TEAD4: variants seen among roughly 807,000 people sequenced by gnomAD.
TEAD4 encodes the protein TEA domain transcription factor 4.
A neutral mutation model predicts 52.4 loss-of-function variants in TEAD4; 36 were observed. The observed-to-expected ratio is 0.69, with a 90% CI of 0.53 to 0.91. TEAD4 has a LOEUF of 0.91. TEAD4 is among the 40% of genes least tolerant of loss of function. The pLI, the probability that TEAD4 is intolerant of heterozygous loss-of-function variation, is 0.00. For missense variants in TEAD4, 508 were observed against 583.9 expected (o/e 0.87, Z 1.34); for synonymous variants, 220 against 231.0 (o/e 0.95, Z 0.43).
chr12:2,980,004 C>T lies in TEAD4; in HGVS notation c.-29-14734C>T, dbSNP rs553874003. On this transcript the variant is annotated intron_variant, in intron 2 of 12. Transcript: ENST00000359864. ...TGTTCCTCTCCTCCCTGGGAAGAAG[C>T]CCTCTCCTGTGCTCACTGAGAGGCA... Among the ~76,000 whole-genome samples, 79 of 152,236 alleles carry T rather than the reference C, an allele frequency of 5.2e-4. No individual in the cohort carries two copies. In the South Asian group the frequency reaches 0.014, roughly 27 times the overall value.
intron 2 of TEAD4, among the ~76,000 whole-genome samples, chr12:2,970,007 C>T (rs2098223810): frequency 6.6e-6 from 1 of 152,168 alleles, no homozygotes; most frequent in African/African-American, 2.4e-5. Flanking sequence ...GGGAGAGTTG[C>T]TTGAGCCCAG....
Position 2,963,451 on chromosome 12 carries a change from T to A in TEAD4, c.-30+3411T>A, listed in dbSNP as rs12229939. Among the ~76,000 whole-genome samples the A allele has an allele frequency of 7.2e-5, 11 of 152,198 alleles. No individual in the cohort carries two copies. The East Asian group carries it at 1.7e-3, about 24-fold the overall frequency. ...CCCCATGACCCTTTGTTGGCCGGGG[T>A]TGGACGACAGCTCCCTTTAAAGCTC... On this transcript the variant is annotated intron_variant, in intron 2 of 12. Coordinates refer to ENST00000359864, the MANE Select transcript of TEAD4 (RefSeq NM_003213.4).
In TEAD4 at chr12:2,968,047, A is replaced by AC. The variant is rs1206773770; in HGVS notation, c.-30+8012dup. On this transcript the variant is annotated intron_variant, in intron 2 of 12. Transcript: ENST00000359864. ...TCGCCATTTTTGTGGGTCTTCCTCT[A>AC]CCCCCAACCAGTGATCTGATCTCAA... Among the ~76,000 whole-genome samples the AC allele has an allele frequency of 9.1e-4, 123 of 135,318 alleles. 1 individual carries two copies. Among genetic ancestry groups the AC allele is most frequent in the African/African-American group, 3.0e-3 (115 of 37,760 alleles). 88.8% of individuals were successfully genotyped at this position (135,318 alleles called of 152,430 possible). A position where few individuals can be genotyped will look rare whatever the true frequency, so the allele number is the denominator to read the frequency against.
At position 2,979,605 on chromosome 12, in the gene TEAD4, G is replaced by T. The variant is rs535833551; in HGVS notation, c.-29-15133G>T. Among the ~76,000 whole-genome samples, 6 of 152,340 alleles carry T rather than the reference G, an allele frequency of 3.9e-5. No homozygotes were observed. The South Asian group carries it at 1.2e-3, about 32-fold the overall frequency. ...AGATACTGGGAGTAGTGATTTGGGGGTTAGAAATTTTAGCAAGTTGGCAAA... is the reference window on the plus strand; with the variant it reads ...AGATACTGGGAGTAGTGATTTGGGGTTTAGAAATTTTAGCAAGTTGGCAAA... On this transcript the variant is annotated intron_variant, in intron 2 of 12. Transcript: ENST00000359864.
At chr12:3,020,396 G>A (rs1193169628) in intron 8 of TEAD4, among the ~76,000 whole-genome samples, 2 of 152,014 alleles carry the variant, frequency 1.3e-5, no homozygotes, top group Admixed American at 1.3e-4. Context: ...GTTCCATGCA[G>A]AGTGCTGAGT....
At chr12:3,013,800 G>A (rs2098262298) in intron 5 of TEAD4, among the ~76,000 whole-genome samples, 1 of 152,236 alleles carries the variant, frequency 6.6e-6, no homozygotes, top group Non-Finnish European at 1.5e-5. Flanking sequence ...GTTGAGGCCA[G>A]GAGTTGGAGG....
chr12:2,977,163 T>C (rs1244698325), intron 2 of TEAD4, among the ~76,000 whole-genome samples: 1 of 152,138 alleles, frequency 6.6e-6, no homozygotes, highest in African/African-American at 2.4e-5. Flanking sequence ...TCTTCAGTGG[T>C]TGGGAGGACA....
In TEAD4 at chr12:3,017,484, C is replaced by T; in HGVS notation, c.441C>T (p.Ser147=). The T allele has an allele frequency of 6.2e-7, 1 of 1,614,182 alleles. No individual in the cohort carries two copies. Among genetic ancestry groups the T allele is most frequent in the Non-Finnish European group, 8.5e-7 (1 of 1,180,046 alleles). Residue 147 remains serine (S), a synonymous_variant, in exon 6 of 13, where the codon AGC becomes AGT. Transcript: ENST00000359864. The stretch of plus-strand genomic sequence containing the variant: ...TCTCCGCCACGGCCTTCCACAGTAG[C>T]ATGGCCCTCGCCCGGGGCCCCGGCC...
chr12:2,976,269 C>T (rs981783035), intron 2 of TEAD4, among the ~76,000 whole-genome samples: 6 of 152,024 alleles, frequency 3.9e-5, no homozygotes, highest in Admixed American at 1.3e-4. Flanking sequence ...ACCTCGGCCT[C>T]CCAAAGTGCT....
intron 2 of TEAD4, among the ~76,000 whole-genome samples, chr12:2,977,291 T>C (rs2098230546): frequency 6.6e-6 from 1 of 152,088 alleles, no homozygotes; most frequent in African/African-American, 2.4e-5. Context: ...CAGGCGTCTC[T>C]CTCTCTCTTT....
chr12:3,020,187 G>A (rs3782835), intron 8 of TEAD4, among the ~76,000 whole-genome samples: 4 of 152,328 alleles, frequency 2.6e-5, no homozygotes, highest in Admixed American at 1.3e-4. Context: ...TTCTGGGAGC[G>A]GGGGAGACAC....
In TEAD4 at chr12:3,040,498, G is replaced by C. The variant is rs199828011; in HGVS notation, c.*20G>C. 2.5e-6 allele frequency: 4 copies of C among 1,608,608 alleles called. No individual in the cohort carries two copies. Among genetic ancestry groups the C allele is most frequent in the Non-Finnish European group, 2.6e-6 (3 of 1,175,598 alleles). The stretch of plus-strand genomic sequence containing the variant: ...GAATGAGAGACTCGGGGAGCAGGGA[G>C]GGGGGAAGAGACGTGTGTGCAGGAA... On this transcript the variant is annotated 3_prime_UTR_variant, in exon 13 of 13. Coordinates refer to ENST00000359864, the MANE Select transcript of TEAD4 (RefSeq NM_003213.4).
At position 3,004,095 on chromosome 12, in the gene TEAD4, C is replaced by T. The variant is rs538147976; in HGVS notation, c.227-6909C>T. 2.0e-5 allele frequency among the ~76,000 whole-genome samples: 3 copies of T among 152,364 alleles called. No homozygotes were observed. In the Middle Eastern group the frequency reaches 0.01, roughly 518 times the overall value. On this transcript the variant is annotated intron_variant, in intron 3 of 12. Transcript: ENST00000359864. ...TGATCCAGGATACGCTGGCTCCCAC[C>T]AGCTGTGGGTACCACTGTCCATGAG...
At chr12:2,963,582 G>A (rs1376413135) in intron 2 of TEAD4, among the ~76,000 whole-genome samples, 1 of 152,206 alleles carries the variant, frequency 6.6e-6, no homozygotes, top group Non-Finnish European at 1.5e-5. Context: ...TCACTGGGGA[G>A]AACACGGTCT....
At chr12:3,024,176 G>A (rs1032106072) in intron 10 of TEAD4, among the ~76,000 whole-genome samples, 5 of 151,724 alleles carry the variant, frequency 3.3e-5, no homozygotes, top group African/African-American at 7.3e-5. Context: ...CCGGGTTCAC[G>A]CCATTCTCCT....
chr12:3,017,392 C>T lies in TEAD4; in HGVS notation c.355-6C>T, dbSNP rs1186821183. 3 of 1,613,976 alleles carry T rather than the reference C, an allele frequency of 1.9e-6. No homozygotes were observed. The highest frequency in any genetic ancestry group is 1.1e-5 in the South Asian group (1 of 91,080). On this transcript the variant is annotated splice_polypyrimidine_tract_variant and splice_region_variant and intron_variant, in intron 5 of 12. Coordinates refer to ENST00000359864, the MANE Select transcript of TEAD4 (RefSeq NM_003213.4). ...CTGAGGTCCTCCCTTGCAATGTCTC[C>T]CCCAGGACCAGGCAGCTAAGGACAA...
At chr12:3,004,030 C>T (rs1477954487) in intron 3 of TEAD4, among the ~76,000 whole-genome samples, 1 of 152,248 alleles carries the variant, frequency 6.6e-6, no homozygotes, top group African/African-American at 2.4e-5. Context: ...TACTCCCTTC[C>T]CCTCTTGCCC....
At chr12:2,978,425 A>T (rs1371801356) in intron 2 of TEAD4, among the ~76,000 whole-genome samples, 1 of 147,164 alleles carries the variant, frequency 6.8e-6, no homozygotes, top group East Asian at 2.1e-4. Context: ...TTGTTTTGAG[A>T]GGGAGTCTCA....
intron 2 of TEAD4, among the ~76,000 whole-genome samples, chr12:2,969,645 G>C (rs2098223495): frequency 6.6e-6 from 1 of 152,222 alleles, no homozygotes; most frequent in Non-Finnish European, 1.5e-5. Flanking sequence ...CAGGGAGGTA[G>C]TACAGCGAAG....
Sources: gnomAD v4.1 joint callset for allele counts (sites outside exome capture counted in the v4.1 genomes callset) on GRCh38, gnomAD v4.1.1 for gene constraint, MANE v1.5 for transcripts, NCBI Gene and HGNC (gene_info 2026-07-23, HGNC 2026-07-21) for gene names.